Variants in MYLIP observed in about 807,000 individuals in gnomAD.
MYLIP encodes myosin regulatory light chain interacting protein.
A neutral mutation model predicts 45.8 loss-of-function variants in MYLIP; 26 were observed. The observed-to-expected ratio is 0.57, with a 90% CI of 0.42 to 0.79. The LOEUF (loss-of-function observed/expected upper bound fraction) is 0.79, where lower values mean the gene tolerates loss of function less well. Ranked by LOEUF, MYLIP falls within the 30% of genes least tolerant of loss-of-function variation. The pLI, the probability that MYLIP is intolerant of heterozygous loss-of-function variation, is 0.00. For missense variants in MYLIP, 494 were observed against 555.6 expected (o/e 0.89, Z 1.11); for synonymous variants, 213 against 218.1 (o/e 0.98, Z 0.21).
downstream of MYLIP, among the ~76,000 whole-genome samples, chr6:16,150,352 T>A (rs1759861525): frequency 6.6e-6 from 1 of 151,956 alleles, no homozygotes; most frequent in African/African-American, 2.4e-5. Context: ...AAAGAGTGGG[T>A]GCATTTTCAG....
At chr6:16,145,432 C>G in intron 6 of MYLIP, 115 bp downstream of exon 6, 1 of 1,201,090 alleles carries the variant, frequency 8.3e-7, no homozygotes, top group East Asian at 2.5e-5. Context: ...CCCATCTTCA[C>G]CCGGAAAGGG....
downstream of MYLIP, among the ~76,000 whole-genome samples, chr6:16,148,807 T>C (rs532884461): frequency 9.8e-5 from 15 of 152,332 alleles, no homozygotes; most frequent in African/African-American, 2.9e-4. Context: ...TCCTAACTGC[T>C]CTATGCTTGC....
chr6:16,163,062 G>A, the MYLIP span, among the ~76,000 whole-genome samples: 1 of 152,112 alleles, frequency 6.6e-6, no homozygotes, highest in Non-Finnish European at 1.5e-5. Flanking sequence ...AGACCTGATA[G>A]GTGGAAAGAT....
chr6:16,143,639 C>T, intron 4 of MYLIP, 60 bp from the exon 5 acceptor site: 1 of 1,575,136 alleles, frequency 6.3e-7, no homozygotes, highest in South Asian at 1.2e-5. Context: ...CACAAAGGCA[C>T]ACACATGGTG....
At chr6:16,158,069 C>T in the MYLIP span, among the ~76,000 whole-genome samples, 1 of 152,224 alleles carries the variant, frequency 6.6e-6, no homozygotes, top group African/African-American at 2.4e-5. Flanking sequence ...TTGACATGTG[C>T]TCTGGAGGAA....
At position 16,146,830 on chromosome 6, in the gene MYLIP, AAAG is replaced by A; in HGVS notation, c.*80_*82del. 1 of 1,268,206 alleles carries A rather than the reference AAAG, an allele frequency of 7.9e-7. No individual in the cohort carries two copies. Among genetic ancestry groups the A allele is most frequent in the Non-Finnish European group, 1.1e-6 (1 of 902,980 alleles). The allele number at this position is 1,268,206 out of a possible 1,614,324, so 78.6% of individuals were successfully genotyped here. ...ACTATTAAAATGATAGATTGTGGAG[AAAG>A]TAATTATTCCAACACCCATCTGCCA... On this transcript the variant is annotated 3_prime_UTR_variant, in exon 7 of 7. Transcript: ENST00000356840.
downstream of MYLIP, among the ~76,000 whole-genome samples, chr6:16,151,152 A>G (rs1402028939): frequency 2.6e-5 from 4 of 151,810 alleles, no homozygotes; most frequent in African/African-American, 4.8e-5. Flanking sequence ...GATCAAGACC[A>G]TCCTGGCTAA....
At chr6:16,149,888 A>G (rs1450494582), downstream of MYLIP, among the ~76,000 whole-genome samples, 2 of 152,236 alleles carry the variant, frequency 1.3e-5, no homozygotes, top group African/African-American at 2.4e-5. Context: ...GGGACAAAAA[A>G]GGGAGCAAGT....
chr6:16,162,972 T>C, the MYLIP span, among the ~76,000 whole-genome samples: 1 of 151,996 alleles, frequency 6.6e-6, no homozygotes, highest in African/African-American at 2.4e-5. Context: ...GCTTTTGGCA[T>C]TGTGTGAGGA....
chr6:16,141,548 C>A, intron 2 of MYLIP, 77 bp from the exon 3 acceptor site: 2 of 1,332,602 alleles, frequency 1.5e-6, no homozygotes, highest in Non-Finnish European at 2.1e-6. Flanking sequence ...TTAAAAGTGA[C>A]TGTGAAATTG....
chr6:16,139,416 T>C (rs1465602094), intron 2 of MYLIP, among the ~76,000 whole-genome samples: 2 of 151,730 alleles, frequency 1.3e-5, no homozygotes, highest in African/African-American at 2.4e-5. Flanking sequence ...CACTTTTACA[T>C]AAGCAGTAAT....
At chr6:16,135,781 A>G (rs1370174199) in intron 2 of MYLIP, among the ~76,000 whole-genome samples, 3 of 144,202 alleles carry the variant, frequency 2.1e-5, no homozygotes, top group Non-Finnish European at 3.0e-5. Context: ...ATATATATGT[A>G]TGCTATATAT....
chr6:16,161,041 C>T, the MYLIP span: 1 of 156,330 alleles, frequency 6.4e-6, no homozygotes, highest in Non-Finnish European at 1.4e-5. Context: ...TGGAGACGCT[C>T]CCACAAGTGT....
At chr6:16,136,825 T>A (rs973026180) in intron 2 of MYLIP, among the ~76,000 whole-genome samples, 2 of 152,244 alleles carry the variant, frequency 1.3e-5, no homozygotes, top group East Asian at 3.8e-4. Flanking sequence ...TGTTCATGTG[T>A]TTATTGGCCT....
chr6:16,157,107 C>T, the MYLIP span, among the ~76,000 whole-genome samples: 1 of 152,236 alleles, frequency 6.6e-6, no homozygotes, highest in African/African-American at 2.4e-5. Context: ...CTACTCAGCT[C>T]CCTGAATGTG....
chr6:16,152,535 G>C (rs371975794), downstream of MYLIP, among the ~76,000 whole-genome samples: 43 of 152,310 alleles, frequency 2.8e-4, no homozygotes, highest in Admixed American at 1.9e-3. Flanking sequence ...CTACAGCAAA[G>C]AATATTGACA....
chr6:16,157,882 A>C, the MYLIP span, among the ~76,000 whole-genome samples: 1 of 152,366 alleles, frequency 6.6e-6, no homozygotes, highest in South Asian at 2.1e-4. Context: ...AAAACCAAAC[A>C]AAAAGCTGTT....
chr6:16,149,884 A>G (rs1338809429), downstream of MYLIP, among the ~76,000 whole-genome samples: 1 of 152,200 alleles, frequency 6.6e-6, no homozygotes, highest in Admixed American at 6.5e-5. Flanking sequence ...TGGAGGGACA[A>G]AAAAGGGAGC....
intron 2 of MYLIP, among the ~76,000 whole-genome samples, chr6:16,134,969 A>G (rs1759521740): frequency 6.6e-6 from 1 of 152,238 alleles, no homozygotes; most frequent in East Asian, 1.9e-4. Flanking sequence ...AAATCTGAGC[A>G]TTTAGAAGGC....
Sources: gnomAD v4.1 joint callset for allele counts (sites outside exome capture counted in the v4.1 genomes callset) on GRCh38, gnomAD v4.1.1 for gene constraint, MANE v1.5 for transcripts, NCBI Gene and HGNC (gene_info 2026-07-23, HGNC 2026-07-21) for gene names.